STK10: variants seen among roughly 807,000 people sequenced by gnomAD.
STK10 encodes serine/threonine kinase 10.
In STK10, 78 loss-of-function variants were observed where a neutral mutation model predicts 113.8. The observed-to-expected ratio is 0.69, with a 90% CI of 0.57 to 0.83. The LOEUF is 0.83. STK10 is among the 40% of genes least tolerant of loss of function. STK10 has a pLI of 0.00. For synonymous variants in STK10, 465 were observed against 494.7 expected (o/e 0.94, Z 0.80); for missense variants, 1,109 against 1,280.1 (o/e 0.87, Z 2.04).
intron 18 of STK10, chr5:172,045,357 A>G (rs1434853898): frequency 3.9e-6 from 2 of 506,860 alleles, no homozygotes; most frequent in African/African-American, 3.9e-5. Context: ...CCGAGGGAGA[A>G]GATGGAGAGA....
chr5:172,161,660 C>T (rs997803607), intron 1 of STK10, among the ~76,000 whole-genome samples: 1 of 152,148 alleles, frequency 6.6e-6, no homozygotes, highest in Non-Finnish European at 1.5e-5. Context: ...ACCCTTGATC[C>T]ACTCTGCATG....
chr5:172,177,846 G>T (rs1199417013), intron 1 of STK10, among the ~76,000 whole-genome samples: 1 of 151,770 alleles, frequency 6.6e-6, no homozygotes, highest in East Asian at 1.9e-4. Flanking sequence ...TTGTTTTGTT[G>T]AGACAGAGTC....
At chr5:172,106,996 C>CA in intron 5 of STK10, 182 bp from the exon 6 acceptor site, 1 of 561,148 alleles carries the variant, frequency 1.8e-6, no homozygotes. Flanking sequence ...AAAACGCCTC[C>CA]ACGCGGCTCC....
At position 172,096,702 on chromosome 5, in the gene STK10, A is replaced by C. The variant is rs547546417; in HGVS notation, c.871-142T>G. The C allele has an allele frequency of 1.3e-5, 15 of 1,167,758 alleles. No homozygotes were observed. In the African/African-American group the frequency reaches 2.3e-4, roughly 18 times the overall value. The allele number at this position is 1,167,758 out of a possible 1,614,324, so 72.3% of individuals were successfully genotyped here. On this transcript the variant is annotated intron_variant, in intron 7 of 18. Coordinates refer to ENST00000176763, the MANE Select transcript of STK10 (RefSeq NM_005990.4). ...TGCACATGAACTTGGAGACCCAGAG[A>C]CAGCCTGGAAAGTCCCAAGTGTGTT...
chr5:172,092,270 G>A (rs1026712770), intron 9 of STK10, among the ~76,000 whole-genome samples: 3 of 152,168 alleles, frequency 2.0e-5, no homozygotes, highest in Non-Finnish European at 2.9e-5. Flanking sequence ...TCCTAGTCAC[G>A]CCAGGGGGTG....
At chr5:172,166,779 C>T (rs1327309077) in intron 1 of STK10, among the ~76,000 whole-genome samples, 1 of 152,126 alleles carries the variant, frequency 6.6e-6, no homozygotes, top group South Asian at 2.1e-4. Flanking sequence ...TCAAAGACAA[C>T]AATTGGAAAT....
intron 15 of STK10, among the ~76,000 whole-genome samples, chr5:172,056,730 C>T (rs1767770467): frequency 6.6e-6 from 1 of 150,978 alleles, no homozygotes; most frequent in African/African-American, 2.4e-5. Flanking sequence ...AAAAATTAGC[C>T]AGGCATGGTG....
chr5:172,157,616 A>T (rs566066129), intron 1 of STK10, among the ~76,000 whole-genome samples: 1 of 152,030 alleles, frequency 6.6e-6, no homozygotes, highest in African/African-American at 2.4e-5. Flanking sequence ...TTTGAGATGG[A>T]GTCTCACTCT....
intron 1 of STK10, among the ~76,000 whole-genome samples, chr5:172,165,613 G>A (rs1056544795): frequency 1.7e-5 from 2 of 116,456 alleles, no homozygotes; most frequent in African/African-American, 8.0e-5. Flanking sequence ...GATTCATAGC[G>A]GGTTGACCTC....
chr5:172,054,517 T>C (rs1242869342), intron 17 of STK10, 52 bp downstream of exon 17: 1 of 1,589,022 alleles, frequency 6.3e-7, no homozygotes, highest in Non-Finnish European at 8.5e-7. Context: ...CTGATGGCCT[T>C]GGGGAAACTG....
chr5:172,139,987 A>C (rs1769941555), intron 2 of STK10, among the ~76,000 whole-genome samples: 1 of 152,070 alleles, frequency 6.6e-6, no homozygotes, highest in Non-Finnish European at 1.5e-5. Flanking sequence ...AATCAGTAGA[A>C]TGAAAAGGCA....
At chr5:172,136,999 C>A (rs573699582) in intron 2 of STK10, among the ~76,000 whole-genome samples, 1 of 151,794 alleles carries the variant, frequency 6.6e-6, no homozygotes, top group Non-Finnish European at 1.5e-5. Flanking sequence ...GAACAGGCCC[C>A]GGTGTGTGAT....
In STK10 at chr5:172,133,622, T is replaced by C. The variant is rs1297808058; in HGVS notation, c.322-6201A>G. Among the ~76,000 whole-genome samples, 3 of 152,210 alleles carry C rather than the reference T, an allele frequency of 2.0e-5. No individual in the cohort carries two copies. The highest frequency in any genetic ancestry group is 4.4e-5 in the Non-Finnish European group (3 of 68,034). ...CTAATTAGGAAGCACACAACTCTGA[T>C]GGTTGCAGGAAACCATGTTGCAACC... On this transcript the variant is annotated intron_variant, in intron 2 of 18. Transcript: ENST00000176763. The surrounding 1 kb of genome is among the most constrained non-coding windows in gnomAD (Gnocchi z 4.9).
At chr5:172,155,201 ACT>A (rs979313223) in intron 2 of STK10, among the ~76,000 whole-genome samples, 2 of 151,864 alleles carry the variant, frequency 1.3e-5, no homozygotes, top group African/African-American at 4.8e-5. Context: ...GACATTAAAG[ACT>A]CTTAAAAATT....
rs1302330674 is a variant in STK10, at chr5:172,043,793, T to C, written c.*1089A>G. ...CATTCCATTTCCCCCTGATGCTTTT[T>C]CTTCCTGAAGAGAAGTCCAACAGAC... On this transcript the variant is annotated 3_prime_UTR_variant, in exon 19 of 19. Coordinates refer to ENST00000176763, the MANE Select transcript of STK10 (RefSeq NM_005990.4). 6.6e-6 allele frequency: 1 copy of C among 152,202 alleles called. No homozygotes were observed. Among genetic ancestry groups the C allele is most frequent in the Non-Finnish European group, 1.5e-5 (1 of 68,052 alleles). The allele number at this position is 152,202 out of a possible 1,614,324, so 9.4% of individuals were successfully genotyped here.
chr5:172,159,946 A>G (rs767856543), intron 1 of STK10, among the ~76,000 whole-genome samples: 11 of 150,870 alleles, frequency 7.3e-5, no homozygotes, highest in Admixed American at 2.0e-4. Context: ...GACCATCCTG[A>G]CCAACATGGT....
rs200188738 is a variant in STK10, at chr5:172,188,052, C to G, written c.-10G>C. On this transcript the variant is annotated 5_prime_UTR_variant, in exon 1 of 19. Coordinates refer to ENST00000176763, the MANE Select transcript of STK10 (RefSeq NM_005990.4). This position sits in a 1 kb window ranked among gnomAD's most constrained non-coding sequence, Gnocchi z 5.6. ...AATTGGCAAAAGCCATGGCCGGGGG[C>G]GCGGTGGCGCCGGCTCGGGCTCGGG... 1 of 1,609,950 alleles carries G rather than the reference C, an allele frequency of 6.2e-7. No individual in the cohort carries two copies. Among genetic ancestry groups the G allele is most frequent in the Admixed American group, 1.7e-5 (1 of 59,760 alleles).
At chr5:172,154,306 G>A (rs1770301191) in intron 2 of STK10, among the ~76,000 whole-genome samples, 1 of 152,222 alleles carries the variant, frequency 6.6e-6, no homozygotes, top group Non-Finnish European at 1.5e-5. Context: ...GGAGGGATAA[G>A]TCTTCACCTT....
chr5:172,052,678 C>T (rs1767652461), intron 18 of STK10, among the ~76,000 whole-genome samples: 1 of 152,240 alleles, frequency 6.6e-6, no homozygotes, highest in Admixed American at 6.5e-5. Flanking sequence ...CCTCTGTGGA[C>T]ACATGGCAGG....
Sources: gnomAD v4.1 joint callset for allele counts (sites outside exome capture counted in the v4.1 genomes callset) on GRCh38, gnomAD v4.1.1 for gene constraint, Gnocchi (gnomAD v3.1) non-coding constraint, MANE v1.5 for transcripts, NCBI Gene and HGNC (gene_info 2026-07-23, HGNC 2026-07-21) for gene names.